Variants in HIP1 observed in about 807,000 individuals in gnomAD.
The protein encoded by HIP1 is huntingtin-interacting protein 1.
HIP1 carries 65 observed loss-of-function variants against 147.6 expected under a neutral mutation model. The ratio of observed to expected loss-of-function variants is 0.44; its 90% CI spans 0.36 to 0.54. The LOEUF is 0.54. Among genes scored for constraint, HIP1 ranks in the 20% least tolerant of loss-of-function variants. HIP1 has a pLI of 0.00. For synonymous variants in HIP1, 479 were observed against 504.0 expected (o/e 0.95, Z 0.67); for missense variants, 1,061 against 1,299.6 (o/e 0.82, Z 2.82).
intron 1 of HIP1, among the ~76,000 whole-genome samples, chr7:75,724,161 T>C (rs2117387083): frequency 6.6e-6 from 1 of 152,148 alleles, no homozygotes; most frequent in Non-Finnish European, 1.5e-5. Flanking sequence ...TTCACCATGT[T>C]GGCCAGGCTG....
chr7:75,588,306 G>T (rs890651629), intron 4 of HIP1, among the ~76,000 whole-genome samples: 1 of 152,090 alleles, frequency 6.6e-6, no homozygotes. Context: ...GAAAGTAACC[G>T]AACATAAAGA....
At chr7:75,545,751 C>T (rs922634368) in intron 25 of HIP1, among the ~76,000 whole-genome samples, 1 of 151,884 alleles carries the variant, frequency 6.6e-6, no homozygotes, top group Non-Finnish European at 1.5e-5. Context: ...TGAGACCATC[C>T]TGTCTAACAT....
rs782184999 is a variant in HIP1 at position 75,581,218 on chromosome 7, C to T, written c.604+19G>A. Reference sequence around the variant, plus strand: ...AGTTCCCATGAGAGCCTGGGTTAGACGGGAGGGAAGAGACTCACCTGTTTG... The same window carrying T: ...AGTTCCCATGAGAGCCTGGGTTAGATGGGAGGGAAGAGACTCACCTGTTTG... On this transcript the variant is annotated intron_variant, in intron 7 of 30. Coordinates refer to ENST00000336926, the MANE Select transcript of HIP1 (RefSeq NM_005338.7). The T allele has an allele frequency of 2.1e-5, 33 of 1,592,238 alleles. No individual in the cohort carries two copies. The highest frequency in any genetic ancestry group is 1.7e-4 in the Middle Eastern group (1 of 6,046).
intron 1 of HIP1, among the ~76,000 whole-genome samples, chr7:75,708,649 A>C (rs1036436282): frequency 2.0e-5 from 3 of 152,184 alleles, no homozygotes; most frequent in East Asian, 3.8e-4. Flanking sequence ...TCTGTTGAAA[A>C]ATCATTTAAT....
Position 75,720,993 on chromosome 7 carries a change from G to A in HIP1, c.120+17808C>T, listed in dbSNP as rs535210304. Among the ~76,000 whole-genome samples the A allele has an allele frequency of 5.3e-5, 8 of 149,932 alleles. No individual in the cohort carries two copies. In the South Asian group the frequency reaches 1.5e-3, roughly 28 times the overall value. ...GCGGAGGTTGCGGTAAGCCAAGATC[G>A]GGCCATTGCACTCCAGCCTGGGCAA... On this transcript the variant is annotated intron_variant, in intron 1 of 30. Coordinates refer to ENST00000336926, the MANE Select transcript of HIP1 (RefSeq NM_005338.7).
At chr7:75,591,874 AGGCAAGACTAT>A (rs1796512348) in intron 4 of HIP1, among the ~76,000 whole-genome samples, 171 bp downstream of exon 4, 3 of 152,134 alleles carry the variant, frequency 2.0e-5, no homozygotes, top group Non-Finnish European at 2.9e-5. Flanking sequence ...CAGAGACCCC[AGGCAAGACTAT>A]GGATATCATG....
chr7:75,539,598 G>T (rs911285265), intron 29 of HIP1, among the ~76,000 whole-genome samples, 167 bp from the exon 30 acceptor site: 4 of 152,268 alleles, frequency 2.6e-5, no homozygotes, highest in Admixed American at 6.5e-5. Flanking sequence ...GAGATTACAG[G>T]CATGAAACAC....
chr7:75,716,796 G>C (rs568537206), intron 1 of HIP1, among the ~76,000 whole-genome samples: 4 of 151,298 alleles, frequency 2.6e-5, no homozygotes, highest in Admixed American at 2.0e-4. Context: ...TGGGATTACA[G>C]GCATAAACCA....
At chr7:75,655,262 G>T (rs782529358) in intron 1 of HIP1, among the ~76,000 whole-genome samples, 1 of 151,964 alleles carries the variant, frequency 6.6e-6, no homozygotes, top group Non-Finnish European at 1.5e-5. Context: ...GCTGAATTTT[G>T]AAAACATTCT....
At chr7:75,661,777 C>T (rs1301039724) in intron 1 of HIP1, among the ~76,000 whole-genome samples, 3 of 151,568 alleles carry the variant, frequency 2.0e-5, no homozygotes, top group African/African-American at 7.3e-5. Flanking sequence ...AGGCCTAAGT[C>T]CAAATGTGTG....
chr7:75,711,616 T>C (rs1554520136), intron 1 of HIP1, among the ~76,000 whole-genome samples: 1 of 152,158 alleles, frequency 6.6e-6, no homozygotes, highest in African/African-American at 2.4e-5. Context: ...GTTTTTTACT[T>C]TTTTGGACAT....
chr7:75,598,650 C>G (rs1156641938), intron 2 of HIP1, among the ~76,000 whole-genome samples: 1 of 151,898 alleles, frequency 6.6e-6, no homozygotes, highest in African/African-American at 2.4e-5. Flanking sequence ...AGTGGCTCTC[C>G]CCTGTAATTC....
chr7:75,582,750 T>A (rs1554498836), intron 5 of HIP1, among the ~76,000 whole-genome samples: 1 of 151,990 alleles, frequency 6.6e-6, no homozygotes, highest in Non-Finnish European at 1.5e-5. Flanking sequence ...GAGGTTGCAG[T>A]GAGCTGAGAT....
chr7:75,666,445 C>T (rs1258643237), intron 1 of HIP1, among the ~76,000 whole-genome samples: 2 of 152,190 alleles, frequency 1.3e-5, no homozygotes, highest in Non-Finnish European at 2.9e-5. Context: ...GCTGGGATTA[C>T]AGGCGTGAGC....
At chr7:75,734,245 C>CAAATAAATAAAT (rs57376870) in intron 1 of HIP1, among the ~76,000 whole-genome samples, 79 of 140,328 alleles carry the variant, frequency 5.6e-4, no homozygotes, top group African/African-American at 1.5e-3. Flanking sequence ...GACTCTGTCT[C>CAAATAAATAAAT]AAATAAATAA....
In HIP1 at chr7:75,731,352, G is replaced by GCA. The variant is rs1174000306; in HGVS notation, c.120+7447_120+7448dup. On this transcript the variant is annotated intron_variant, in intron 1 of 30. Transcript: ENST00000336926. ...ACAAAAATTAGCTGGGCATGGTGGC[G>GCA]CACGCCTATAATCCCAGCTACTCCT... Among the ~76,000 whole-genome samples, 7 of 151,608 alleles carry GCA rather than the reference G, an allele frequency of 4.6e-5. No homozygotes were observed. The East Asian group carries it at 1.4e-3, about 30-fold the overall frequency.
chr7:75,731,025 A>G (rs1340852899), intron 1 of HIP1, among the ~76,000 whole-genome samples: 2 of 151,808 alleles, frequency 1.3e-5, no homozygotes, highest in East Asian at 3.9e-4. Flanking sequence ...ATGAGCCACC[A>G]TGCCTGGTCA....
intron 9 of HIP1, among the ~76,000 whole-genome samples, chr7:75,567,508 G>A (rs1244820124): frequency 6.6e-6 from 1 of 151,478 alleles, no homozygotes; most frequent in Non-Finnish European, 1.5e-5. Context: ...ACCTTAGAAT[G>A]AAGATAACCT....
At chr7:75,682,400 G>A (rs1161964591) in intron 1 of HIP1, among the ~76,000 whole-genome samples, 1 of 151,684 alleles carries the variant, frequency 6.6e-6, no homozygotes, top group African/African-American at 2.4e-5. Context: ...GTGACTACAG[G>A]AGGCTACATG....
Sources: allele counts gnomAD v4.1 joint callset (sites outside exome capture counted in the v4.1 genomes callset), GRCh38; gene constraint gnomAD v4.1.1; transcripts MANE v1.5; gene names NCBI Gene and HGNC (gene_info 2026-07-23, HGNC 2026-07-21).